The following ARHGEF7 variants were observed in gnomAD, a reference collection of about 807,000 sequenced individuals.
The protein encoded by ARHGEF7 is PAK-interacting exchange factor beta.
ARHGEF7 carries 33 observed loss-of-function variants against 109.8 expected under a neutral mutation model. The observed-to-expected ratio is 0.30, with a 90% CI of 0.23 to 0.40. The LOEUF (loss-of-function observed/expected upper bound fraction) is 0.40. Among genes scored for constraint, ARHGEF7 ranks in the 10% least tolerant of loss-of-function variants. The probability of loss-of-function intolerance (pLI) is 1.00; values close to 1 mark genes in which losing one functional copy is unlikely to be tolerated. For synonymous variants in ARHGEF7, 458 were observed against 424.6 expected (o/e 1.08, Z -0.97); for missense variants, 938 against 1,098.5 (o/e 0.85, Z 2.07).
chr13:111,118,362 G>T (rs982990696), intron 1 of ARHGEF7, among the ~76,000 whole-genome samples: 50 of 152,232 alleles, frequency 3.3e-4, no homozygotes, highest in African/African-American at 1.2e-3. Context: ...TTTTAAGGTG[G>T]AAGGTTAGAC....
At chr13:111,183,856 C>G (rs2078991237) in intron 2 of ARHGEF7, among the ~76,000 whole-genome samples, 2 of 152,138 alleles carry the variant, frequency 1.3e-5, no homozygotes, top group African/African-American at 4.8e-5. Context: ...AGACTTCTCT[C>G]CTGTGTAAAA....
intron 2 of ARHGEF7, among the ~76,000 whole-genome samples, chr13:111,161,679 A>G (rs2076752403): frequency 6.6e-6 from 1 of 152,246 alleles, no homozygotes; most frequent in African/African-American, 2.4e-5. Flanking sequence ...GAAGAAAATG[A>G]AAAGCTGTAT....
chr13:111,135,008 T>C (rs1413437298), intron 1 of ARHGEF7, among the ~76,000 whole-genome samples: 1 of 152,266 alleles, frequency 6.6e-6, no homozygotes, highest in African/African-American at 2.4e-5. Context: ...AGTTTCAGCT[T>C]TCCACATATG....
intron 6 of ARHGEF7, among the ~76,000 whole-genome samples, chr13:111,243,374 G>A (rs537276295): frequency 1.3e-5 from 2 of 152,276 alleles, no homozygotes; most frequent in Admixed American, 6.5e-5. Context: ...AGACATTTAC[G>A]TCATTCTCCT....
intron 1 of ARHGEF7, among the ~76,000 whole-genome samples, chr13:111,150,172 CA>C (rs1340053862): frequency 6.6e-6 from 1 of 152,170 alleles, no homozygotes; most frequent in Non-Finnish European, 1.5e-5. Flanking sequence ...CTTTTTGCCT[CA>C]AATCTTTAAG....
At chr13:111,282,859 T>C (rs2092842740) in intron 15 of ARHGEF7, 1 of 543,118 alleles carries the variant, frequency 1.8e-6, no homozygotes, top group Non-Finnish European at 3.2e-6. Flanking sequence ...TAAATGTGGC[T>C]AGTGGATGTC....
At chr13:111,283,672 T>C (rs1390647148) in intron 16 of ARHGEF7, among the ~76,000 whole-genome samples, 1 of 152,204 alleles carries the variant, frequency 6.6e-6, no homozygotes, top group Non-Finnish European at 1.5e-5. Context: ...CCCAGGTGGC[T>C]TTCACTCCCT....
chr13:111,162,133 T>G (rs1566669819), intron 2 of ARHGEF7, among the ~76,000 whole-genome samples: 1 of 152,236 alleles, frequency 6.6e-6, no homozygotes, highest in African/African-American at 2.4e-5. Context: ...TAGCAGTACA[T>G]GAGAGTACTC....
In ARHGEF7 at chr13:111,154,127, G is replaced by A. The variant is rs897903485; in HGVS notation, c.252+136G>A. ...CCCTCCCCGGCTGCTCGAGAGTCCG[G>A]GATGTGTGGAACGGGGCGTTGCGGG... On this transcript the variant is annotated intron_variant, in intron 2 of 21. Transcript: ENST00000646102. 1.2e-5 allele frequency: 11 copies of A among 945,368 alleles called. No individual in the cohort carries two copies. In the Admixed American group the frequency reaches 1.6e-4, roughly 14 times the overall value. The allele number at this position is 945,368 out of a possible 1,614,324, so 58.6% of individuals were successfully genotyped here.
At chr13:111,257,384 G>T (rs1566980647) in intron 8 of ARHGEF7, among the ~76,000 whole-genome samples, 2 of 152,182 alleles carry the variant, frequency 1.3e-5, no homozygotes, top group Non-Finnish European at 2.9e-5. Context: ...TATATGATAG[G>T]ACTTCAGTGT....
chr13:111,156,941 G>T (rs934139150), intron 2 of ARHGEF7, among the ~76,000 whole-genome samples: 1 of 152,126 alleles, frequency 6.6e-6, no homozygotes, highest in Non-Finnish European at 1.5e-5. Context: ...ATTGTTTTTG[G>T]TGTATATATT....
At chr13:111,232,700 T>C (rs1199139362) in intron 5 of ARHGEF7, among the ~76,000 whole-genome samples, 1 of 152,162 alleles carries the variant, frequency 6.6e-6, no homozygotes, top group Non-Finnish European at 1.5e-5. Context: ...CTGCTTGAGA[T>C]GACTTTTCTT....
At chr13:111,243,564 G>A (rs376846129) in intron 6 of ARHGEF7, among the ~76,000 whole-genome samples, 3 of 152,330 alleles carry the variant, frequency 2.0e-5, no homozygotes, top group African/African-American at 7.2e-5. Context: ...CCATGCAGTT[G>A]TGATTCTTGG....
At chr13:111,212,763 TA>T (rs2082652824) in intron 4 of ARHGEF7, among the ~76,000 whole-genome samples, 1 of 152,228 alleles carries the variant, frequency 6.6e-6, no homozygotes, top group Admixed American at 6.5e-5. Context: ...AATATTTTCA[TA>T]TACCATATTT....
intron 1 of ARHGEF7, among the ~76,000 whole-genome samples, chr13:111,152,031 G>C (rs2075914430): frequency 6.6e-6 from 1 of 152,172 alleles, no homozygotes; most frequent in Non-Finnish European, 1.5e-5. Flanking sequence ...TTTTAGCCAA[G>C]TAGCTGAGTT....
At chr13:111,194,407 T>C (rs2080259273) in intron 2 of ARHGEF7, among the ~76,000 whole-genome samples, 1 of 152,144 alleles carries the variant, frequency 6.6e-6, no homozygotes, top group Admixed American at 6.5e-5. Context: ...TATCCGGCAG[T>C]CCATAGTTGG....
At chr13:111,186,889 ACTT>A (rs760141826) in intron 2 of ARHGEF7, 1 of 985,434 alleles carries the variant, frequency 1.0e-6, no homozygotes, top group Non-Finnish European at 1.2e-6. Context: ...AAAGACGACT[ACTT>A]CTTTCCCCAT....
intron 1 of ARHGEF7, among the ~76,000 whole-genome samples, chr13:111,150,836 T>C (rs149246751): frequency 6.6e-6 from 1 of 152,334 alleles, no homozygotes; most frequent in East Asian, 1.9e-4. Flanking sequence ...GGGGTGAGCA[T>C]TTTCAAGTTC....
At chr13:111,120,470 AATAC>A (rs1007214488) in intron 1 of ARHGEF7, among the ~76,000 whole-genome samples, 9 of 87,830 alleles carry the variant, frequency 1.0e-4, no homozygotes, top group African/African-American at 3.6e-4. Flanking sequence ...CATGCATGTA[AATAC>A]ACACACACAC....
Sources: allele counts gnomAD v4.1 joint callset (sites outside exome capture counted in the v4.1 genomes callset), GRCh38; gene constraint gnomAD v4.1.1; transcripts MANE v1.5; gene names NCBI Gene and HGNC (gene_info 2026-07-23, HGNC 2026-07-21).